Variants in TYW1 observed in about 807,000 individuals in gnomAD.
TYW1 encodes S-adenosyl-L-methionine-dependent tRNA 4-demethylwyosine synthase TYW1.
Under a neutral mutation model 96.2 loss-of-function variants are expected in TYW1, and 46 were observed. The ratio of observed to expected loss-of-function variants is 0.48; its 90% CI spans 0.38 to 0.61. TYW1 has a LOEUF of 0.61. TYW1 is among the 20% of genes least tolerant of loss of function. The pLI, the probability that TYW1 is intolerant of heterozygous loss-of-function variation, is 0.00. For synonymous variants in TYW1, 274 were observed against 323.0 expected (o/e 0.85, Z 1.63); for missense variants, 684 against 909.6 (o/e 0.75, Z 3.19).
At chr7:67,147,738 C>T (rs573296909) in intron 13 of TYW1, among the ~76,000 whole-genome samples, 40 of 152,140 alleles carry the variant, frequency 2.6e-4, no homozygotes, top group African/African-American at 9.2e-4. Context: ...CAACCATGTC[C>T]CTGCAAAGGA....
At chr7:67,228,810 TG>T (rs1480573887) in intron 15 of TYW1, among the ~76,000 whole-genome samples, 1 of 152,226 alleles carries the variant, frequency 6.6e-6, no homozygotes, top group Non-Finnish European at 1.5e-5. Context: ...AGACAGTGGC[TG>T]GGGGCCAGCC....
chr7:67,025,714 A>G (rs753111019), intron 7 of TYW1, among the ~76,000 whole-genome samples: 7 of 152,156 alleles, frequency 4.6e-5, no homozygotes, highest in Admixed American at 1.3e-4. Flanking sequence ...GTGAGAATGT[A>G]CGATGCAGTA....
chr7:67,108,773 T>G (rs1194477594), intron 12 of TYW1, among the ~76,000 whole-genome samples: 3 of 152,026 alleles, frequency 2.0e-5, no homozygotes, highest in Non-Finnish European at 4.4e-5. Context: ...AGCACAGAAC[T>G]TGTTCACAGA....
intron 13 of TYW1, among the ~76,000 whole-genome samples, chr7:67,172,589 T>G (rs943550936): frequency 6.6e-6 from 1 of 152,026 alleles, no homozygotes; most frequent in African/African-American, 2.4e-5. Context: ...CCTGGCTATT[T>G]TTTTTGTATT....
intron 13 of TYW1, among the ~76,000 whole-genome samples, chr7:67,141,245 C>T (rs1200441031): frequency 2.0e-5 from 3 of 152,166 alleles, no homozygotes; most frequent in Non-Finnish European, 4.4e-5. Flanking sequence ...TGAATCAATA[C>T]AGTTTGTGCA....
intron 12 of TYW1, among the ~76,000 whole-genome samples, chr7:67,103,121 C>T (rs968063228): frequency 1.3e-5 from 2 of 152,168 alleles, no homozygotes; most frequent in Non-Finnish European, 2.9e-5. Flanking sequence ...GTGGGCACGT[C>T]TTTGTTATCC....
Position 67,195,280 on chromosome 7 carries a change from A to G in TYW1, c.1920A>G (p.Glu640=), listed in dbSNP as rs768397289. ...FVHELVDLIP[E]YEIACEHEHS... ...ACGAGTTGGTGGATCTGATCCCCGAATATGAAATTGCATGTGAACACGAAC... is the reference window on the plus strand; with the variant it reads ...ACGAGTTGGTGGATCTGATCCCCGAGTATGAAATTGCATGTGAACACGAAC... Residue 640 remains glutamate (E), a synonymous_variant, in exon 15 of 16, where the codon GAA becomes GAG. Transcript: ENST00000359626. 1 of 1,611,550 alleles carries G rather than the reference A, an allele frequency of 6.2e-7. No individual in the cohort carries two copies. The highest frequency in any genetic ancestry group is 1.1e-5 in the South Asian group (1 of 90,936).
At chr7:67,083,003 A>T (rs1796433633) in intron 10 of TYW1, among the ~76,000 whole-genome samples, 1 of 152,072 alleles carries the variant, frequency 6.6e-6, no homozygotes, top group Admixed American at 6.6e-5. Context: ...CCAGGCCTGC[A>T]TCAGGAGAAA....
intron 10 of TYW1, among the ~76,000 whole-genome samples, chr7:67,068,369 C>T (rs10240542): frequency 0.17 from 26,444 of 152,210 alleles, 2,673 homozygotes; most frequent in African/African-American, 0.27. Flanking sequence ...CTCTTCAACT[C>T]CTAGTTCTCT....
At chr7:67,038,145 A>G in intron 7 of TYW1, among the ~76,000 whole-genome samples, 1 of 151,854 alleles carries the variant, frequency 6.6e-6, no homozygotes, top group East Asian at 1.9e-4. Flanking sequence ...TACTAAAAAA[A>G]TATAAAAATT....
At chr7:67,200,954 T>G (rs1247645204) in intron 15 of TYW1, among the ~76,000 whole-genome samples, 1 of 152,126 alleles carries the variant, frequency 6.6e-6, no homozygotes, top group Non-Finnish European at 1.5e-5. Flanking sequence ...AGAGAAGGGT[T>G]GCAGGGAAAG....
At chr7:67,214,908 C>T (rs1264624780) in intron 15 of TYW1, among the ~76,000 whole-genome samples, 1 of 151,652 alleles carries the variant, frequency 6.6e-6, no homozygotes, top group East Asian at 1.9e-4. Flanking sequence ...GATTTGCTAA[C>T]ATTTTATTGA....
chr7:67,077,236 A>G (rs542674174), intron 10 of TYW1, among the ~76,000 whole-genome samples: 1 of 152,272 alleles, frequency 6.6e-6, no homozygotes, highest in African/African-American at 2.4e-5. Context: ...CAACATACTG[A>G]TTTCCTTTCC....
intron 14 of TYW1, among the ~76,000 whole-genome samples, chr7:67,191,984 C>T (rs1187532099): frequency 2.0e-5 from 3 of 151,674 alleles, no homozygotes; most frequent in Non-Finnish European, 4.4e-5. Context: ...CAATCTCCGC[C>T]TGCCGGGTTC....
At position 67,009,564 on chromosome 7, in the gene TYW1, T is replaced by A; in HGVS notation, c.274-19T>A. 6.3e-7 allele frequency: 1 copy of A among 1,578,616 alleles called. No individual in the cohort carries two copies. Reference sequence around the variant, plus strand: ...GGCTCATTGAAGACTTTATTTGATGTTTTTTTTGGTCCTATTAGGGATTCG... The same window carrying A: ...GGCTCATTGAAGACTTTATTTGATGATTTTTTTGGTCCTATTAGGGATTCG... On this transcript the variant is annotated intron_variant, in intron 3 of 15. Coordinates refer to ENST00000359626, the MANE Select transcript of TYW1 (RefSeq NM_018264.4).
At position 67,186,288 on chromosome 7, in the gene TYW1, C is replaced by T. The variant is rs113399856; in HGVS notation, c.1809+3052C>T. ...CTTCCCCCCCGCCCCACCTCTCCCC[C>T]CTCCTTTCTTACTTTCGCAGTCATG... On this transcript the variant is annotated intron_variant, in intron 14 of 15. Coordinates refer to ENST00000359626, the MANE Select transcript of TYW1 (RefSeq NM_018264.4). 1.7e-4 allele frequency among the ~76,000 whole-genome samples: 18 copies of T among 103,280 alleles called. No homozygotes were observed. The East Asian group carries it at 4.1e-3, about 24-fold the overall frequency. The allele number at this position is 103,280 out of a possible 152,430, so 67.8% of individuals were successfully genotyped here.
chr7:67,022,151 G>A (rs1483780842), intron 6 of TYW1, among the ~76,000 whole-genome samples: 2 of 152,194 alleles, frequency 1.3e-5, no homozygotes, highest in African/African-American at 4.8e-5. Context: ...GAGCTCAAGC[G>A]ATCCTCCTGC....
At chr7:67,044,615 G>A (rs11771519) in intron 7 of TYW1, among the ~76,000 whole-genome samples, 98,631 of 151,934 alleles carry the variant, frequency 0.65, 32,216 homozygotes, top group Admixed American at 0.76. Context: ...TGGGCGTTCT[G>A]TAGCCAATCT....
chr7:67,215,264 C>G (rs111471649), intron 15 of TYW1, among the ~76,000 whole-genome samples: 39,284 of 149,804 alleles, frequency 0.26, 5,517 homozygotes, highest in African/African-American at 0.35. Flanking sequence ...TGTAGACCCA[C>G]ATTAGCTCAA....
Sources: gnomAD v4.1 joint callset for allele counts (sites outside exome capture counted in the v4.1 genomes callset) on GRCh38, gnomAD v4.1.1 for gene constraint, MANE v1.5 for transcripts, NCBI Gene and HGNC (gene_info 2026-07-23, HGNC 2026-07-21) for gene names.